ENTREP2: variants seen among roughly 807,000 people sequenced by gnomAD.
ENTREP2 encodes protein ENTREP2.
chr15:29,652,337 C>T, the ENTREP2 span, among the ~76,000 whole-genome samples: 2 of 152,350 alleles, frequency 1.3e-5, no homozygotes, highest in South Asian at 4.1e-4. Context: ...CAGTGGGTCC[C>T]TGAGCTGTTC....
At chr15:29,240,687 A>T in the ENTREP2 span, among the ~76,000 whole-genome samples, 1 of 152,212 alleles carries the variant, frequency 6.6e-6, no homozygotes, top group Non-Finnish European at 1.5e-5. Context: ...ATAGCAGCAC[A>T]CAACAGACTA....
At chr15:29,160,409 T>A in the ENTREP2 span, among the ~76,000 whole-genome samples, 76 of 151,754 alleles carry the variant, frequency 5.0e-4, no homozygotes, top group African/African-American at 1.7e-3. Flanking sequence ...CAGGGAAGGC[T>A]GCGAGGACTG....
chr15:29,165,018 A>G, the ENTREP2 span, among the ~76,000 whole-genome samples: 1 of 152,186 alleles, frequency 6.6e-6, no homozygotes. Context: ...CTCCAAAAGG[A>G]ACCTTCAAAA....
chr15:29,323,717 T>G, the ENTREP2 span, among the ~76,000 whole-genome samples: 2 of 152,038 alleles, frequency 1.3e-5, no homozygotes, highest in Non-Finnish European at 2.9e-5. Flanking sequence ...TAGAAGATGT[T>G]AAAATTAAAT....
chr15:29,233,880 G>C, the ENTREP2 span: 1 of 1,579,470 alleles, frequency 6.3e-7, no homozygotes, highest in African/African-American at 1.3e-5. Context: ...AAATGAGCCT[G>C]AGCTGACATT....
the ENTREP2 span, among the ~76,000 whole-genome samples, chr15:29,178,068 G>A: frequency 6.6e-6 from 1 of 152,122 alleles, no homozygotes; most frequent in Admixed American, 6.5e-5. Flanking sequence ...TGAGGCAGGA[G>A]GATCACTTGA....
At chr15:29,651,584 G>GC in the ENTREP2 span, among the ~76,000 whole-genome samples, 223 of 152,312 alleles carry the variant, frequency 1.5e-3, 2 homozygotes, top group Admixed American at 3.4e-3. Context: ...GCCTGGGAAG[G>GC]CCCCCCATCT....
chr15:29,152,508 A>G, the ENTREP2 span, among the ~76,000 whole-genome samples: 1 of 152,242 alleles, frequency 6.6e-6, no homozygotes, highest in Admixed American at 6.5e-5. Context: ...AGAATGTTGC[A>G]TAAGTGGATT....
At chr15:29,568,906 T>C in the ENTREP2 span, among the ~76,000 whole-genome samples, 1 of 152,128 alleles carries the variant, frequency 6.6e-6, no homozygotes, top group Non-Finnish European at 1.5e-5. Context: ...GGTTTATTAT[T>C]AAAAGGCAGT....
the ENTREP2 span, among the ~76,000 whole-genome samples, chr15:29,423,233 G>A: frequency 1.3e-5 from 2 of 152,258 alleles, no homozygotes; most frequent in East Asian, 3.9e-4. Flanking sequence ...TGTATACACA[G>A]TTGTTTACTA....
the ENTREP2 span, among the ~76,000 whole-genome samples, chr15:29,536,052 C>T: frequency 3.3e-5 from 5 of 152,084 alleles, no homozygotes. Flanking sequence ...GATCCTTTTC[C>T]CATGTGACTC....
the ENTREP2 span, among the ~76,000 whole-genome samples, chr15:29,219,925 G>A: frequency 6.6e-6 from 1 of 151,742 alleles, no homozygotes; most frequent in Non-Finnish European, 1.5e-5. Flanking sequence ...ATGCTGCTCT[G>A]GTGATGGGTG....
chr15:29,168,806 G>T, the ENTREP2 span, among the ~76,000 whole-genome samples: 1 of 152,148 alleles, frequency 6.6e-6, no homozygotes, highest in Non-Finnish European at 1.5e-5. Context: ...TTGCTCAATG[G>T]CACTTTTAAC....
the ENTREP2 span, among the ~76,000 whole-genome samples, chr15:29,510,373 A>G: frequency 2.0e-5 from 3 of 152,240 alleles, no homozygotes; most frequent in East Asian, 3.8e-4. Context: ...TAGAAATACT[A>G]TTTGAACTAG....
At chr15:29,657,494 G>GGGGGC in the ENTREP2 span, among the ~76,000 whole-genome samples, 1 of 128,590 alleles carries the variant, frequency 7.8e-6, no homozygotes, top group Admixed American at 7.6e-5. Context: ...GGGGGGGGGG[G>GGGGGC]GTGGCCAGCT....
chr15:29,269,370 C>G, the ENTREP2 span: 7 of 1,614,184 alleles, frequency 4.3e-6, no homozygotes, highest in Admixed American at 1.2e-4. Flanking sequence ...TGACGTGCTT[C>G]AGTATGTCGG....
At chr15:29,448,628 A>G in the ENTREP2 span, among the ~76,000 whole-genome samples, 1 of 152,212 alleles carries the variant, frequency 6.6e-6, no homozygotes, top group Non-Finnish European at 1.5e-5. Context: ...TTGTTTCAAG[A>G]ACAAATCGAG....
the ENTREP2 span, among the ~76,000 whole-genome samples, chr15:29,506,863 C>T: frequency 6.6e-6 from 1 of 152,250 alleles, no homozygotes; most frequent in South Asian, 2.1e-4. Context: ...GGCAAAATAA[C>T]CAGCTAGGAT....
chr15:29,264,917 C>T, the ENTREP2 span: 1 of 152,002 alleles, frequency 6.6e-6, no homozygotes, highest in African/African-American at 2.4e-5. Context: ...TGTTTGTCTC[C>T]AAAATGCAAG....
Sources: gnomAD v4.1 joint callset for allele counts (sites outside exome capture counted in the v4.1 genomes callset) on GRCh38, gnomAD v4.1.1 for gene constraint, MANE v1.5 for transcripts, NCBI Gene and HGNC (gene_info 2026-07-23, HGNC 2026-07-21) for gene names.